The following ZNF124 variants were observed in gnomAD, a reference collection of about 807,000 sequenced individuals.
ZNF124 encodes zinc finger protein 124.
A neutral mutation model predicts 26.6 loss-of-function variants in ZNF124; 25 were observed. That is an observed-to-expected ratio of 0.94 (90% CI 0.68 to 1.31). The LOEUF (loss-of-function observed/expected upper bound fraction) is 1.31. Ranked by LOEUF, ZNF124 falls within the 40% of genes most tolerant of loss-of-function variation. The probability of loss-of-function intolerance (pLI) is 0.00; values close to 1 mark genes in which losing one functional copy is unlikely to be tolerated. For synonymous variants in ZNF124, 129 were observed against 133.3 expected, an observed-to-expected ratio of 0.97 and a Z score of 0.22; for missense variants, 444 against 422.2, an observed-to-expected ratio of 1.05 and a Z score of -0.45.
chr1:247,123,685 T>TTGC (rs1672136266), exon 4 of ZNF124: 1 of 574,132 alleles, frequency 1.7e-6, no homozygotes, highest in African/African-American at 1.9e-5. Context: ...CACAGGATTC[T>TTGC]TGCTTCTATT....
chr1:247,151,130 A>G (rs1283330035), downstream of ZNF124, among the ~76,000 whole-genome samples: 1 of 152,194 alleles, frequency 6.6e-6, no homozygotes. Context: ...AGAAATGTAA[A>G]TAAAGCCTGA....
rs764056919 is a variant in ZNF124 at position 247,157,162 on chromosome 1, C to T, written c.460G>A (p.Glu154Lys). ...GAAAAACCTAAGGCTTTCCCACATT[C>T]CATACATTCATAGGGTTTCTCTCCA... Reference protein sequence around the residue: ...HTGEKPYECMECGKALGFSRS... With the variant: ...HTGEKPYECMKCGKALGFSRS... The change falls in exon 4 of 4, where the codon GAA becomes AAA. Residue 154 changes from glutamate to lysine, a missense_variant. Glu to Lys is a moderately conservative substitution (Grantham distance 56). Coordinates refer to ENST00000543802, the MANE Select transcript of ZNF124 (RefSeq NM_001297568.2). 2 of 1,613,944 alleles carry T rather than the reference C, an allele frequency of 1.2e-6. No individual in the cohort carries two copies. Among genetic ancestry groups the T allele is most frequent in the Non-Finnish European group, 1.7e-6 (2 of 1,179,902 alleles).
At chr1:247,165,532 C>T (rs1026745431) in intron 1 of ZNF124, among the ~76,000 whole-genome samples, 7 of 152,098 alleles carry the variant, frequency 4.6e-5, no homozygotes, top group African/African-American at 1.7e-4. Flanking sequence ...ATGCCCAAAG[C>T]GACTGCCACA....
chr1:247,159,690 T>C lies in ZNF124; in HGVS notation c.154A>G (p.Ile52Val). ...MQETFRNLASIGNKGEDQSIE... is the reference protein window; with the variant it reads ...MQETFRNLASVGNKGEDQSIE... ...GAAGAAATATTGTGATTCTTACCTA[T>C]GGAAGCCAGATTCCTGAAGGTTTCC... The change falls in exon 2 of 4, where the codon ATA becomes GTA. Residue 52 changes from isoleucine to valine, a missense_variant. Coordinates refer to ENST00000543802, the MANE Select transcript of ZNF124 (RefSeq NM_001297568.2). 6.2e-7 allele frequency: 1 copy of C among 1,610,972 alleles called. No individual in the cohort carries two copies. The highest frequency in any genetic ancestry group is 2.2e-5 in the East Asian group (1 of 44,838).
chr1:247,159,977 T>TTA, intron 1 of ZNF124, 164 bp from the exon 2 acceptor site: 18 of 400,758 alleles, frequency 4.5e-5, no homozygotes, highest in Non-Finnish European at 6.0e-5. Flanking sequence ...CACATAGCAG[T>TTA]TCTTTTTTTT....
chr1:247,157,203 T>G lies in ZNF124; in HGVS notation c.419A>C (p.His140Pro). Residue 140 changes from histidine (H) to proline (P), a missense_variant, in exon 4 of 4, where the codon CAT (histidine) becomes CCT (proline). His to Pro is a moderately conservative substitution (Grantham distance 77). Transcript: ENST00000543802. ...VFNIPSSFQI[H>P]QRNHTGEKPY... ...TTTCTCTCCAGTGTGATTTCTCTGATGTATCTGAAATGAACTGGGAATATT... is the reference window on the plus strand; with the variant it reads ...TTTCTCTCCAGTGTGATTTCTCTGAGGTATCTGAAATGAACTGGGAATATT... 6.2e-7 allele frequency: 1 copy of G among 1,614,142 alleles called. No individual in the cohort carries two copies. Among genetic ancestry groups the G allele is most frequent in the East Asian group, 2.2e-5 (1 of 44,886 alleles).
chr1:247,159,854 A>T, intron 1 of ZNF124, 41 bp from the exon 2 acceptor site: 2 of 1,576,140 alleles, frequency 1.3e-6, no homozygotes, highest in African/African-American at 1.4e-5. Context: ...GATGAGACTG[A>T]AAGCACTGGA....
intron 3 of ZNF124, among the ~76,000 whole-genome samples, chr1:247,158,087 T>C (rs999916037): frequency 2.6e-5 from 4 of 152,056 alleles, no homozygotes; most frequent in African/African-American, 9.7e-5. Context: ...CTGTCTCTAC[T>C]AAAAATACAA....
chr1:247,172,099 G>A (rs1674114346), upstream of ZNF124: 1 of 110,090 alleles, frequency 9.1e-6, no homozygotes, highest in Non-Finnish European at 1.8e-5. Flanking sequence ...GATTGGGTAG[G>A]GCCTCAGGCC....
chr1:247,145,713 C>T lies in ZNF124; in HGVS notation c.218+13293G>A, dbSNP rs559724327. ...GTGCATTCTCGGCACAGTGCAACCT[C>T]TGTCTCCTGGGTTCAAGCGATTCTC... On this transcript the variant is annotated intron_variant, in intron 3 of 3. Transcript: ENST00000472531. Among the ~76,000 whole-genome samples, 120 of 152,066 alleles carry T rather than the reference C, an allele frequency of 7.9e-4. 1 individual carries two copies. The highest frequency in any genetic ancestry group is 1.3e-3 in the Non-Finnish European group (88 of 67,990).
upstream of ZNF124, among the ~76,000 whole-genome samples, chr1:247,172,277 T>C (rs1275353183): frequency 6.6e-6 from 1 of 151,884 alleles, no homozygotes; most frequent in East Asian, 1.9e-4. Flanking sequence ...CAATGTTACA[T>C]TCATTTGTGA....
Position 247,156,559 on chromosome 1 carries a change from A to G in ZNF124, c.*7T>C. On this transcript the variant is annotated 3_prime_UTR_variant, in exon 4 of 4. Transcript: ENST00000543802. ...GTTTTTGACAAAAACTGTAGTGATT[A>G]AAGCCTTTACATTTTTTTACATTTA... is the stretch of plus-strand genomic sequence containing the variant. 5 of 1,523,934 alleles carry G rather than the reference A, an allele frequency of 3.3e-6. No individual in the cohort carries two copies. Among genetic ancestry groups the G allele is most frequent in the Middle Eastern group, 1.9e-4 (1 of 5,224 alleles). The allele number at this position is 1,523,934 out of a possible 1,614,324, so 94.4% of individuals were successfully genotyped here.
Position 247,157,084 on chromosome 1 carries a change from A to G in ZNF124, c.538T>C (p.Cys180Arg). The G allele has an allele frequency of 6.2e-7, 1 of 1,614,192 alleles. No individual in the cohort carries two copies. Among genetic ancestry groups the G allele is most frequent in the African/African-American group, 1.3e-5 (1 of 75,044 alleles). Reference protein sequence around the residue: ...RIHTGEKRYECKQCGKAFSRS... With the variant: ...RIHTGEKRYERKQCGKAFSRS... ...CTGAAGGCTTTCCCACATTGCTTAC[A>G]TTCATAGCGTTTTTCTCCAGTGTGA... The change falls in exon 4 of 4, where the codon TGT becomes CGT. Residue 180 changes from cysteine (C) to arginine (R), a missense_variant. Physicochemically the swap from Cys to Arg is radical, Grantham distance 180 (BLOSUM62 -3). Coordinates refer to ENST00000543802, the MANE Select transcript of ZNF124 (RefSeq NM_001297568.2).
chr1:247,141,030 C>T (rs375211714), intron 3 of ZNF124, among the ~76,000 whole-genome samples: 3 of 152,194 alleles, frequency 2.0e-5, no homozygotes, highest in African/African-American at 7.2e-5. Flanking sequence ...GTGGTTGTGG[C>T]CAAAGGTCTT....
In ZNF124 at chr1:247,160,890, TAATC is replaced by T. The variant is rs776239742; in HGVS notation, c.31-1081_31-1078del. ...TTAATCAAGAGGTAATTAACACTAA[TAATC>T]AATATTCAATAATCCAAAAATAATT... On this transcript the variant is annotated intron_variant, in intron 1 of 3. Transcript: ENST00000543802. Among the ~76,000 whole-genome samples the T allele has an allele frequency of 7.4e-4, 112 of 152,330 alleles. 1 individual carries two copies. Among genetic ancestry groups the T allele is most frequent in the Non-Finnish European group, 1.3e-3 (87 of 68,028 alleles).
rs1202633239 is a variant in ZNF124 at position 247,130,317 on chromosome 1, G to C, written c.219-6446C>G. ...AGTTTCACAGGTTTGTTCTTTTCTG[G>C]GGGTGGTTTCAACCCGAATTCCAGG... On this transcript the variant is annotated intron_variant, in intron 3 of 3. Coordinates refer to the ZNF124 transcript ENST00000472531. Among the ~76,000 whole-genome samples the C allele has an allele frequency of 2.0e-5, 3 of 152,248 alleles. No homozygotes were observed. In the East Asian group the frequency reaches 5.8e-4, roughly 29 times the overall value.
intron 1 of ZNF124, among the ~76,000 whole-genome samples, chr1:247,167,051 C>T (rs879429197): frequency 1.1e-4 from 16 of 152,048 alleles, no homozygotes; most frequent in Admixed American, 2.6e-4. Context: ...GCTATTGCAA[C>T]GGATGCAGGA....
At chr1:247,163,606 TG>T (rs1032367612) in intron 1 of ZNF124, among the ~76,000 whole-genome samples, 2 of 152,094 alleles carry the variant, frequency 1.3e-5, no homozygotes, top group African/African-American at 4.8e-5. Context: ...ATGGAATCCC[TG>T]AACAGAAAAA....
At chr1:247,123,586 G>T (rs554787276) in exon 4 of ZNF124, 1 of 434,734 alleles carries the variant, frequency 2.3e-6, no homozygotes, top group Non-Finnish European at 4.1e-6. Flanking sequence ...ATTTCCTCAG[G>T]TTATTCCAAG....
Sources: gnomAD v4.1 joint callset for allele counts (sites outside exome capture counted in the v4.1 genomes callset) on GRCh38, gnomAD v4.1.1 for gene constraint, MANE v1.5 for transcripts, NCBI Gene and HGNC (gene_info 2026-07-23, HGNC 2026-07-21) for gene names.